Variants in TAPBPL observed in about 807,000 individuals in gnomAD.
The protein encoded by TAPBPL is TAP binding protein like.
In TAPBPL, 32 loss-of-function variants were observed where a neutral mutation model predicts 44.8. The ratio of observed to expected loss-of-function variants is 0.71; its 90% confidence interval spans 0.54 to 0.96. The LOEUF (loss-of-function observed/expected upper bound fraction) is 0.96, where lower values mean the gene tolerates loss of function less well. TAPBPL is among the 40% of genes least tolerant of loss of function. The probability of loss-of-function intolerance (pLI) is 0.00; values close to 1 mark genes in which losing one functional copy is unlikely to be tolerated. For missense variants in TAPBPL, 520 were observed against 586.6 expected, an observed-to-expected ratio of 0.89 and a Z score of 1.17; for synonymous variants, 230 against 240.7, an observed-to-expected ratio of 0.96 and a Z score of 0.41.
downstream of TAPBPL, chr12:6,470,394 C>T: frequency 7.3e-7 from 1 of 1,362,476 alleles, no homozygotes; most frequent in South Asian, 1.2e-5. Context: ...GTGGCCCGGT[C>T]CGGAAGCGGC....
At chr12:6,466,622 C>A (rs887118311), downstream of TAPBPL, 1 of 280,048 alleles carries the variant, frequency 3.6e-6, no homozygotes, top group Admixed American at 5.1e-5. Context: ...TGCTCCTTGG[C>A]AATCTGAAGT....
chr12:6,462,475 A>C, downstream of TAPBPL: 1 of 499,226 alleles, frequency 2.0e-6, no homozygotes, highest in South Asian at 3.0e-5. Flanking sequence ...GCAAAGTCCC[A>C]GGGTTTTGTT....
chr12:6,463,815 T>C (rs1462992900), downstream of TAPBPL: 1 of 1,206,954 alleles, frequency 8.3e-7, no homozygotes, highest in Non-Finnish European at 1.1e-6. The surrounding 1 kb of genome is among the most constrained non-coding windows in gnomAD (Gnocchi z 4.0). Context: ...AATCCCTAAG[T>C]GTTCTCCAGG....
intron 3 of TAPBPL, among the ~76,000 whole-genome samples, chr12:6,455,218 G>A (rs1477401543): frequency 6.6e-6 from 1 of 152,218 alleles, no homozygotes; most frequent in Non-Finnish European, 1.5e-5. Context: ...TCTGAACTGA[G>A]AGTAAGTTGC....
downstream of TAPBPL, among the ~76,000 whole-genome samples, chr12:6,465,491 G>A (rs1464327840): frequency 7.2e-6 from 1 of 139,724 alleles, no homozygotes; most frequent in Non-Finnish European, 1.5e-5. Context: ...GTGTGTGTGT[G>A]TATGTATATA....
downstream of TAPBPL, chr12:6,465,388 A>ATATATATATATAAATGTATATATATG (rs1320874621): frequency 2.5e-4 from 19 of 75,518 alleles, no homozygotes; most frequent in African/African-American, 9.1e-4. Context: ...ATATATATGT[A>ATATATATATATAAATGTATATATATG]TATATATATA....
Position 6,453,345 on chromosome 12 carries a change from C to A in TAPBPL, c.295+48C>A, listed in dbSNP as rs1949614073. ...CTTGGTCCTCCCGGGCTCCCTCCAC[C>A]AGGACAGCCCAGGTCCCGATTACAG... On this transcript the variant is annotated intron_variant, in intron 2 of 6. Transcript: ENST00000266556. This position sits in a 1 kb window ranked among gnomAD's most constrained non-coding sequence, Gnocchi z 4.8. The A allele has an allele frequency of 6.2e-7, 1 of 1,610,090 alleles. No individual in the cohort carries two copies. Among genetic ancestry groups the A allele is most frequent in the Non-Finnish European group, 8.5e-7 (1 of 1,177,802 alleles).
downstream of TAPBPL, chr12:6,464,100 C>T (rs1251455477): frequency 7.6e-7 from 1 of 1,316,400 alleles, no homozygotes; most frequent in Non-Finnish European, 9.9e-7. Context: ...ACCATGGGCA[C>T]CGATACTCTT....
At chr12:6,465,036 G>A (rs1379804781), downstream of TAPBPL, 1 of 1,565,954 alleles carries the variant, frequency 6.4e-7, no homozygotes, top group Non-Finnish European at 8.6e-7. Flanking sequence ...TCCATCCTTG[G>A]GACAATGGAA....
chr12:6,454,486 A>G (rs1949655141), intron 3 of TAPBPL, among the ~76,000 whole-genome samples: 1 of 152,110 alleles, frequency 6.6e-6, no homozygotes, highest in Non-Finnish European at 1.5e-5. Context: ...CAACAACAAC[A>G]AAAACCCTGA....
At chr12:6,460,670 C>G (rs1431220741) in intron 5 of TAPBPL, among the ~76,000 whole-genome samples, 185 bp from the exon 6 acceptor site, 2 of 152,218 alleles carry the variant, frequency 1.3e-5, no homozygotes, top group Admixed American at 1.3e-4. Context: ...TGTGGAGTAA[C>G]TCACAAGTAT....
intron 4 of TAPBPL, among the ~76,000 whole-genome samples, chr12:6,458,332 T>C (rs553781345): frequency 3.3e-5 from 5 of 150,628 alleles, no homozygotes; most frequent in Admixed American, 2.7e-4. Flanking sequence ...GCCAAGATCA[T>C]GCCACTGCAC....
At chr12:6,452,597 C>T (rs2136974775) in intron 1 of TAPBPL, 1 of 1,335,678 alleles carries the variant, frequency 7.5e-7, no homozygotes, top group South Asian at 1.7e-5. Flanking sequence ...GCTGACACTT[C>T]AGAAGAGGAA....
chr12:6,469,986 G>C (rs1394125110), downstream of TAPBPL, among the ~76,000 whole-genome samples: 1 of 152,126 alleles, frequency 6.6e-6, no homozygotes, highest in Non-Finnish European at 1.5e-5. Flanking sequence ...CTGCTCACCT[G>C]GTGCCAGAGA....
At chr12:6,465,830 A>C (rs754428604), downstream of TAPBPL, 26 of 1,613,530 alleles carry the variant, frequency 1.6e-5, no homozygotes, top group Non-Finnish European at 2.0e-5. Context: ...AGGAGGGGAC[A>C]AGAAAATTCA....
chr12:6,465,928 G>A (rs769693993), downstream of TAPBPL: 6 of 1,614,226 alleles, frequency 3.7e-6, no homozygotes, highest in South Asian at 3.3e-5. Context: ...GCATCAGCTC[G>A]GTCATCCAGC....
chr12:6,463,792 C>T, downstream of TAPBPL: 1 of 1,188,014 alleles, frequency 8.4e-7, no homozygotes, highest in South Asian at 1.6e-5. This position sits in a 1 kb window ranked among gnomAD's most constrained non-coding sequence, Gnocchi z 4.0. Flanking sequence ...GAAACAAGTC[C>T]TGCTATTTTC....
At chr12:6,464,887 T>TA, downstream of TAPBPL, 1 of 1,613,978 alleles carries the variant, frequency 6.2e-7, no homozygotes, top group Non-Finnish European at 8.5e-7. Context: ...CAGCGATACT[T>TA]ACTTACAATA....
At chr12:6,462,922 A>G (rs766411461), downstream of TAPBPL, 2 of 1,564,418 alleles carry the variant, frequency 1.3e-6, no homozygotes, top group East Asian at 2.4e-5. Flanking sequence ...ATGCTGCTGC[A>G]TGGAAAGTGG....
Sources: allele counts gnomAD v4.1 joint callset (sites outside exome capture counted in the v4.1 genomes callset), GRCh38; gene constraint gnomAD v4.1.1; non-coding constraint Gnocchi (gnomAD v3.1); transcripts MANE v1.5; gene names NCBI Gene and HGNC (gene_info 2026-07-23, HGNC 2026-07-21).